THSD7A: variants seen among roughly 807,000 people sequenced by gnomAD.
THSD7A encodes thrombospondin type 1 domain containing 7A.
In THSD7A, 96 loss-of-function variants were observed where a neutral mutation model predicts 231.3. That is an observed-to-expected ratio of 0.41 (90% CI 0.35 to 0.49). The LOEUF (loss-of-function observed/expected upper bound fraction) is 0.49. THSD7A is among the 20% of genes least tolerant of loss of function. THSD7A has a pLI of 0.05. For missense variants in THSD7A, 2,290 were observed against 2,070.2 expected (o/e 1.11, Z -2.06); for synonymous variants, 940 against 743.3 (o/e 1.26, Z -4.30).
In THSD7A at chr7:11,385,566, A is replaced by G. The variant is rs181982713; in HGVS notation, c.4412-2950T>C. On this transcript the variant is annotated intron_variant, in intron 23 of 27. Coordinates refer to ENST00000423059, the MANE Select transcript of THSD7A (RefSeq NM_015204.3). ...TTTATTTCTGTTAATGTGATAAATT[A>G]CATTAAGAGATTTTATTAATATTTG... The G allele has an allele frequency of 2.9e-3, 435 of 152,050 alleles. 5 individuals carry two copies. Among genetic ancestry groups the G allele is most frequent in the African/African-American group, 0.01 (415 of 41,370 alleles). The allele number at this position is 152,050 out of a possible 1,614,324, so 9.4% of individuals were successfully genotyped here.
chr7:11,409,168 G>T (rs964727090), intron 19 of THSD7A, among the ~76,000 whole-genome samples: 4 of 152,088 alleles, frequency 2.6e-5, no homozygotes, highest in African/African-American at 9.7e-5. Flanking sequence ...CAATTACTAG[G>T]TATCCAATGA....
chr7:11,797,243 T>G (rs1044693131), intron 1 of THSD7A, among the ~76,000 whole-genome samples: 1 of 152,142 alleles, frequency 6.6e-6, no homozygotes, highest in African/African-American at 2.4e-5. Context: ...GTATCATATT[T>G]CATAATGCTG....
intron 1 of THSD7A, among the ~76,000 whole-genome samples, chr7:11,639,963 T>C (rs1782017793): frequency 6.6e-6 from 1 of 152,198 alleles, no homozygotes; most frequent in Non-Finnish European, 1.5e-5. Context: ...CTTGGCTTAC[T>C]TCTAAGTTCA....
intron 4 of THSD7A, among the ~76,000 whole-genome samples, chr7:11,587,679 G>T (rs542561589): frequency 2.5e-4 from 38 of 152,226 alleles, no homozygotes; most frequent in Admixed American, 7.2e-4. Flanking sequence ...CCGAGGATAA[G>T]AATTTTTCTG....
rs549600449 is a variant in THSD7A, at chr7:11,681,424, C to T, written c.191-44463G>A. 1.6e-4 allele frequency among the ~76,000 whole-genome samples: 24 copies of T among 151,950 alleles called. No homozygotes were observed. In the East Asian group the frequency reaches 2.7e-3, roughly 17 times the overall value. On this transcript the variant is annotated intron_variant, in intron 1 of 27. Coordinates refer to ENST00000423059, the MANE Select transcript of THSD7A (RefSeq NM_015204.3). ...AAAAGAAAGAACCAAACAGAACTTA[C>T]GGAAGTGAAAAATTTACTGTGGAGC... is the stretch of plus-strand genomic sequence containing the variant.
chr7:11,572,121 T>C (rs1383885933), intron 4 of THSD7A, among the ~76,000 whole-genome samples: 1 of 152,226 alleles, frequency 6.6e-6, no homozygotes, highest in African/African-American at 2.4e-5. Context: ...CATCTCACTA[T>C]GTTGCCCAGG....
chr7:11,705,076 T>C (rs1481138041), intron 1 of THSD7A, among the ~76,000 whole-genome samples: 1 of 151,040 alleles, frequency 6.6e-6, no homozygotes, highest in East Asian at 2.0e-4. Context: ...GATCAATTAC[T>C]TATATAGAGA....
chr7:11,828,772 T>C (rs923554617), intron 1 of THSD7A, among the ~76,000 whole-genome samples: 2 of 152,104 alleles, frequency 1.3e-5, no homozygotes, highest in Non-Finnish European at 2.9e-5. Context: ...GTATAAGTAA[T>C]AAGTATTATT....
At chr7:11,566,969 G>GGGGGC (rs1583988363) in intron 4 of THSD7A, among the ~76,000 whole-genome samples, 1 of 84,224 alleles carries the variant, frequency 1.2e-5, no homozygotes, top group Non-Finnish European at 2.4e-5. Context: ...GGAGAGTGGG[G>GGGGGC]GGGGGACTGA....
intron 4 of THSD7A, among the ~76,000 whole-genome samples, chr7:11,587,204 A>G (rs533187777): frequency 2.6e-5 from 4 of 152,210 alleles, no homozygotes; most frequent in Non-Finnish European, 5.9e-5. Flanking sequence ...TAGGACTCAT[A>G]CAGATAACCT....
chr7:11,502,357 C>G (rs1403434269), intron 6 of THSD7A, among the ~76,000 whole-genome samples: 1 of 152,100 alleles, frequency 6.6e-6, no homozygotes, highest in African/African-American at 2.4e-5. Flanking sequence ...AGGCCAATAT[C>G]CTTGATGAAC....
chr7:11,808,703 A>G (rs562276314), intron 1 of THSD7A, among the ~76,000 whole-genome samples: 7 of 152,138 alleles, frequency 4.6e-5, no homozygotes, highest in Non-Finnish European at 7.4e-5. Context: ...ATTCTTTACT[A>G]GTACATGTAT....
chr7:11,699,597 G>A (rs190848237), intron 1 of THSD7A, among the ~76,000 whole-genome samples: 6 of 151,334 alleles, frequency 4.0e-5, no homozygotes, highest in African/African-American at 1.2e-4. Flanking sequence ...AATTGAGCAC[G>A]AGTTACCCTG....
intron 1 of THSD7A, among the ~76,000 whole-genome samples, chr7:11,783,319 TATA>T (rs1322644465): frequency 6.6e-6 from 1 of 152,142 alleles, no homozygotes; most frequent in Non-Finnish European, 1.5e-5. Context: ...AAACCTATTC[TATA>T]ATAAAGTGTT....
intron 8 of THSD7A, among the ~76,000 whole-genome samples, chr7:11,471,258 T>C (rs2128301354): frequency 6.6e-6 from 1 of 152,090 alleles, no homozygotes; most frequent in South Asian, 2.1e-4. Context: ...TCTAAACAAC[T>C]AGTATAGTTC....
Position 11,780,997 on chromosome 7 carries a change from CAAAAAAAAAAAAAAAAAAAAAAAAAAAA to C in THSD7A, c.190+50732_190+50759del, listed in dbSNP as rs58931693. Among the ~76,000 whole-genome samples the C allele has an allele frequency of 1.3e-3, 45 of 34,456 alleles. No individual in the cohort carries two copies. In the South Asian group the frequency reaches 0.073, roughly 56 times the overall value. 22.6% of individuals were successfully genotyped at this position (34,456 alleles called of 152,430 possible). On this transcript the variant is annotated intron_variant, in intron 1 of 27. Coordinates refer to ENST00000423059, the MANE Select transcript of THSD7A (RefSeq NM_015204.3). ...TGGGCGACAGAGCGAGACTCCGTCT[CAAAAAAAAAAAAAAAAAAAAAAAAAAAA>C]AAAAAAAAAAAAATTTATAGGGAGA...
At chr7:11,563,625 G>A (rs540086124) in intron 4 of THSD7A, among the ~76,000 whole-genome samples, 1 of 152,262 alleles carries the variant, frequency 6.6e-6, no homozygotes, top group African/African-American at 2.4e-5. Flanking sequence ...GCCTTCCAAA[G>A]TGCTGGGACA....
At chr7:11,524,411 T>C (rs1296259139) in intron 6 of THSD7A, among the ~76,000 whole-genome samples, 3 of 152,190 alleles carry the variant, frequency 2.0e-5, no homozygotes, top group Admixed American at 6.5e-5. Flanking sequence ...TTAAGACATG[T>C]ACAGTTTTTA....
chr7:11,783,156 G>C (rs769430460), intron 1 of THSD7A, among the ~76,000 whole-genome samples: 12 of 152,162 alleles, frequency 7.9e-5, no homozygotes, highest in Middle Eastern at 3.4e-3. Flanking sequence ...ACTTACACTG[G>C]GGTTATGTCT....
Sources: allele counts gnomAD v4.1 joint callset (sites outside exome capture counted in the v4.1 genomes callset), GRCh38; gene constraint gnomAD v4.1.1; transcripts MANE v1.5; gene names NCBI Gene and HGNC (gene_info 2026-07-23, HGNC 2026-07-21).